The following TFDP2 variants were observed in gnomAD, a reference collection of about 807,000 sequenced individuals.
TFDP2 encodes the protein transcription factor Dp-2 (E2F dimerization partner 2).
Under a neutral mutation model 59.3 loss-of-function variants are expected in TFDP2, and 17 were observed. The ratio of observed to expected loss-of-function variants is 0.29; its 90% CI spans 0.20 to 0.43. TFDP2 has a LOEUF of 0.43. Among genes scored for constraint, TFDP2 ranks in the 20% least tolerant of loss-of-function variants. TFDP2 has a pLI of 1.00. For missense variants in TFDP2, 391 were observed against 528.8 expected (o/e 0.74, Z 2.56); for synonymous variants, 180 against 194.7 (o/e 0.92, Z 0.63).
chr3:141,998,490 G>A (rs1288029411), intron 4 of TFDP2, among the ~76,000 whole-genome samples: 1 of 151,972 alleles, frequency 6.6e-6, no homozygotes, highest in Non-Finnish European at 1.5e-5. Context: ...TGTGGTGCAC[G>A]CCGGTAATCC....
chr3:141,946,697 TA>T lies in TFDP2; in HGVS notation c.*5815del, dbSNP rs1935285174. ...TAAGGGACTACTTCCTGAGAAACGT[TA>T]TAATTTATGTGGGTATTGAGCTTGA... On this transcript the variant is annotated 3_prime_UTR_variant, in exon 13 of 13. Coordinates refer to ENST00000489671, the MANE Select transcript of TFDP2 (RefSeq NM_001178139.2). 1 of 152,184 alleles carries T rather than the reference TA, an allele frequency of 6.6e-6. No homozygotes were observed. The highest frequency in any genetic ancestry group is 1.5e-5 in the Non-Finnish European group (1 of 68,036). The allele number at this position is 152,184 out of a possible 1,614,324, so 9.4% of individuals were successfully genotyped here. A position where few individuals can be genotyped will look rare whatever the true frequency, so the allele number is the denominator to read the frequency against.
At chr3:141,953,444 AGG>A (rs1936169032) in intron 11 of TFDP2, among the ~76,000 whole-genome samples, 2 of 152,174 alleles carry the variant, frequency 1.3e-5, no homozygotes, top group South Asian at 4.2e-4. Flanking sequence ...GAAATACATG[AGG>A]TAAGAAGGCC....
intron 4 of TFDP2, among the ~76,000 whole-genome samples, chr3:141,999,943 G>A (rs1381237982): frequency 1.3e-5 from 2 of 152,066 alleles, no homozygotes; most frequent in Non-Finnish European, 2.9e-5. Context: ...CACCTTGTTA[G>A]CCAGGATGGT....
chr3:142,005,213 G>GT (rs1441425637), intron 4 of TFDP2, among the ~76,000 whole-genome samples: 2 of 152,076 alleles, frequency 1.3e-5, no homozygotes, highest in Admixed American at 6.6e-5. Context: ...GTGCCCAGCT[G>GT]TTTTTTGTAG....
intron 3 of TFDP2, among the ~76,000 whole-genome samples, chr3:142,083,023 T>C (rs1384576064): frequency 6.6e-6 from 1 of 151,984 alleles, no homozygotes; most frequent in Non-Finnish European, 1.5e-5. Context: ...AGCTACAACA[T>C]TCAGACAAGA....
intron 1 of TFDP2, among the ~76,000 whole-genome samples, chr3:142,140,188 A>G (rs1486732521): frequency 6.6e-6 from 1 of 152,138 alleles, no homozygotes; most frequent in African/African-American, 2.4e-5. Flanking sequence ...TGCCTCACGA[A>G]GTTCTCATGC....
intron 1 of TFDP2, among the ~76,000 whole-genome samples, chr3:142,113,443 G>C (rs2061732211): frequency 6.6e-6 from 1 of 151,900 alleles, no homozygotes. Flanking sequence ...TGTATTTTTA[G>C]TAGAGACGGG....
intron 9 of TFDP2, 104 bp downstream of exon 9, chr3:141,969,969 C>A: frequency 8.8e-7 from 1 of 1,137,030 alleles, no homozygotes; most frequent in Non-Finnish European, 1.3e-6. Flanking sequence ...GGCGTGGGCT[C>A]ACCACACACC....
At chr3:142,109,793 A>C (rs1054936096) in intron 1 of TFDP2, among the ~76,000 whole-genome samples, 2 of 152,194 alleles carry the variant, frequency 1.3e-5, no homozygotes, top group Non-Finnish European at 2.9e-5. Context: ...TCTAAAAAAA[A>C]CACTTTTATT....
At position 142,136,254 on chromosome 3, in the gene TFDP2, T is replaced by C. The variant is rs114800084; in HGVS notation, c.-93+12929A>G. On this transcript the variant is annotated intron_variant, in intron 1 of 12. Coordinates refer to ENST00000489671, the MANE Select transcript of TFDP2 (RefSeq NM_001178139.2). ...TGCCCACTTTTTGATAGGATCTTTT[T>C]TTCTTCTTGTAAATTTGTTTGAGCT... Among the ~76,000 whole-genome samples the C allele has an allele frequency of 6.4e-4, 97 of 152,176 alleles. 1 individual carries two copies. The highest frequency in any genetic ancestry group is 2.2e-3 in the African/African-American group (93 of 41,560).
At chr3:141,955,801 C>T (rs1936542887) in intron 11 of TFDP2, among the ~76,000 whole-genome samples, 1 of 152,012 alleles carries the variant, frequency 6.6e-6, no homozygotes, top group Admixed American at 6.6e-5. Flanking sequence ...AAAAACACTG[C>T]TTATATATTC....
chr3:142,146,194 CA>C, intron 1 of TFDP2, among the ~76,000 whole-genome samples: 1 of 151,634 alleles, frequency 6.6e-6, no homozygotes, highest in East Asian at 1.9e-4. Context: ...AGCAATCTTA[CA>C]AAATAAAAAT....
At chr3:142,137,650 T>C (rs2108743837) in intron 1 of TFDP2, among the ~76,000 whole-genome samples, 1 of 152,340 alleles carries the variant, frequency 6.6e-6, no homozygotes, top group South Asian at 2.1e-4. Flanking sequence ...GTGGTTTTTG[T>C]CGTTGGATCT....
intron 8 of TFDP2, among the ~76,000 whole-genome samples, chr3:141,973,123 A>ATATAT: frequency 3.3e-4 from 19 of 58,020 alleles, no homozygotes; most frequent in Admixed American, 9.0e-4. Context: ...ATATATATAT[A>ATATAT]TTTTTTTTTT....
intron 3 of TFDP2, among the ~76,000 whole-genome samples, chr3:142,042,625 C>CTTTT (rs1489217440): frequency 2.8e-5 from 2 of 70,606 alleles, no homozygotes; most frequent in African/African-American, 1.3e-4. Flanking sequence ...CTTTTCTTTT[C>CTTTT]TTTTCTTTTT....
At chr3:142,070,564 G>A (rs1454230744) in intron 3 of TFDP2, among the ~76,000 whole-genome samples, 2 of 152,256 alleles carry the variant, frequency 1.3e-5, no homozygotes, top group African/African-American at 4.8e-5. Context: ...ACAGGCATGA[G>A]CCACTATGCC....
intron 1 of TFDP2, among the ~76,000 whole-genome samples, chr3:142,111,260 C>A (rs547508426): frequency 6.6e-6 from 1 of 152,002 alleles, no homozygotes; most frequent in Non-Finnish European, 1.5e-5. Context: ...GAAACCCCGT[C>A]TCTACTAAAA....
intron 3 of TFDP2, among the ~76,000 whole-genome samples, chr3:142,050,646 C>G (rs544439423): frequency 1.4e-3 from 217 of 150,698 alleles, no homozygotes; most frequent in Admixed American, 5.3e-3. Flanking sequence ...CAGTGAGTCA[C>G]GATCACGCCA....
chr3:142,050,428 G>T (rs1351172391), intron 3 of TFDP2, among the ~76,000 whole-genome samples: 5 of 152,086 alleles, frequency 3.3e-5, no homozygotes. Flanking sequence ...GGACACGGTG[G>T]CTCACGCCTG....
Sources: gnomAD v4.1 joint callset for allele counts (sites outside exome capture counted in the v4.1 genomes callset) on GRCh38, gnomAD v4.1.1 for gene constraint, MANE v1.5 for transcripts, NCBI Gene and HGNC (gene_info 2026-07-23, HGNC 2026-07-21) for gene names.